The following PPARG variants were observed in gnomAD, a reference collection of about 807,000 sequenced individuals.
PPARG encodes the protein peroxisome proliferator-activated receptor gamma.
A neutral mutation model predicts 39.2 loss-of-function variants in PPARG; 17 were observed. The observed-to-expected ratio is 0.43, with a 90% CI of 0.30 to 0.65. PPARG has a LOEUF of 0.65. PPARG is among the 30% of genes least tolerant of loss of function. The pLI is 0.13. For synonymous variants in PPARG, 223 were observed against 215.7 expected, an observed-to-expected ratio of 1.03 and a Z score of -0.30; for missense variants, 406 against 585.9, an observed-to-expected ratio of 0.69 and a Z score of 3.17.
intron 2 of PPARG, among the ~76,000 whole-genome samples, chr3:12,324,969 T>C (rs1372067002): frequency 6.6e-6 from 1 of 152,080 alleles, no homozygotes; most frequent in African/African-American, 2.4e-5. Flanking sequence ...AAAGTTTGAA[T>C]TGCAAAATTA....
At chr3:12,369,048 C>T (rs939230597) in intron 2 of PPARG, among the ~76,000 whole-genome samples, 1 of 151,918 alleles carries the variant, frequency 6.6e-6, no homozygotes, top group Admixed American at 6.6e-5. Context: ...TAATTTTTAC[C>T]TTTATCTAAA....
intron 2 of PPARG, among the ~76,000 whole-genome samples, chr3:12,326,891 G>T (rs1410372876): frequency 6.6e-6 from 1 of 152,164 alleles, no homozygotes; most frequent in East Asian, 1.9e-4. Context: ...TTCAGTGGAG[G>T]CTGTACAGAT....
At chr3:12,406,216 C>A in intron 6 of PPARG, 135 bp downstream of exon 6, 1 of 903,544 alleles carries the variant, frequency 1.1e-6, no homozygotes, top group Non-Finnish European at 1.8e-6. Flanking sequence ...TAACATATTG[C>A]AGGCTGAGTC....
chr3:12,391,421 C>G (rs2050072056), intron 4 of PPARG, among the ~76,000 whole-genome samples: 1 of 151,932 alleles, frequency 6.6e-6, no homozygotes, highest in Non-Finnish European at 1.5e-5. Context: ...TGGCTTAGCC[C>G]CATTGAGAAG....
chr3:12,372,936 A>T (rs1382247052), intron 2 of PPARG, among the ~76,000 whole-genome samples: 1 of 152,068 alleles, frequency 6.6e-6, no homozygotes, highest in Non-Finnish European at 1.5e-5. Flanking sequence ...TGCTTGAAAC[A>T]CTCTAAAGGT....
intron 4 of PPARG, among the ~76,000 whole-genome samples, chr3:12,388,053 G>A (rs1235768677): frequency 6.6e-6 from 1 of 152,082 alleles, no homozygotes; most frequent in Non-Finnish European, 1.5e-5. Flanking sequence ...AATCAAAAGA[G>A]AAGTCAAGGA....
chr3:12,370,963 A>T (rs2049190866), intron 2 of PPARG, among the ~76,000 whole-genome samples: 1 of 152,194 alleles, frequency 6.6e-6, no homozygotes, highest in African/African-American at 2.4e-5. Context: ...AGTCCTGTTT[A>T]AACAATAGGG....
intron 7 of PPARG, among the ~76,000 whole-genome samples, chr3:12,426,335 A>G (rs1649887167): frequency 6.6e-6 from 1 of 152,224 alleles, no homozygotes; most frequent in South Asian, 2.1e-4. Flanking sequence ...GATGATCTTT[A>G]TCTGTTTGTC....
rs73027239 is a variant in PPARG, at chr3:12,421,349, T to C, written c.1180+4195T>C. ...GCACTCCCTAGTCTTACTGACAGGC[T>C]GGGCGGTGTCAAGAGTAATAAAACT... is the stretch of plus-strand genomic sequence containing the variant. On this transcript the variant is annotated intron_variant, in intron 7 of 7. Coordinates refer to ENST00000651735, the MANE Select transcript of PPARG (RefSeq NM_138711.6). Among the ~76,000 whole-genome samples the C allele has an allele frequency of 4.0e-3, 613 of 152,336 alleles. 2 individuals carry two copies. Among genetic ancestry groups the C allele is most frequent in the Non-Finnish European group, 7.1e-3 (483 of 68,030 alleles).
intron 1 of PPARG, among the ~76,000 whole-genome samples, chr3:12,309,733 A>G (rs759873996): frequency 6.6e-6 from 1 of 152,156 alleles, no homozygotes; most frequent in African/African-American, 2.4e-5. Flanking sequence ...CAACTTCACC[A>G]TTTATTTCAT....
chr3:12,339,495 C>T (rs2048113022), intron 2 of PPARG, among the ~76,000 whole-genome samples: 1 of 152,138 alleles, frequency 6.6e-6, no homozygotes, highest in African/African-American at 2.4e-5. Context: ...GTTTTAAAAG[C>T]TTTTTATGAA....
At chr3:12,345,377 TCATAGGTAATTCCTC>T (rs1413927766) in intron 2 of PPARG, among the ~76,000 whole-genome samples, 1 of 152,224 alleles carries the variant, frequency 6.6e-6, no homozygotes, top group Non-Finnish European at 1.5e-5. Context: ...GATGACATTT[TCATAGGTAATTCCTC>T]CACATTAAGT....
At chr3:12,342,821 C>A (rs1158561767) in intron 2 of PPARG, among the ~76,000 whole-genome samples, 1 of 151,566 alleles carries the variant, frequency 6.6e-6, no homozygotes, top group Non-Finnish European at 1.5e-5. Flanking sequence ...CAAAAAAACC[C>A]CTACCTTTTC....
intron 3 of PPARG, among the ~76,000 whole-genome samples, chr3:12,380,329 C>T (rs1294876670): frequency 1.3e-5 from 2 of 152,194 alleles, no homozygotes; most frequent in African/African-American, 4.8e-5. Context: ...CTTATCTTCA[C>T]TATATTACTG....
chr3:12,387,481 G>A lies in PPARG; in HGVS notation c.391-5133G>A, dbSNP rs537521350. Among the ~76,000 whole-genome samples the A allele has an allele frequency of 1.8e-3, 269 of 152,256 alleles. 1 individual carries two copies. The highest frequency in any genetic ancestry group is 6.1e-3 in the African/African-American group (254 of 41,554). On this transcript the variant is annotated intron_variant, in intron 4 of 7. Transcript: ENST00000651735. ...TTTCTCTGATGGCCAGTGATGATGA[G>A]CATTTTTTCATATGTCTGTTGGCTG...
At chr3:12,299,562 A>G (rs1299313468) in intron 1 of PPARG, among the ~76,000 whole-genome samples, 1 of 152,256 alleles carries the variant, frequency 6.6e-6, no homozygotes, top group South Asian at 2.1e-4. Flanking sequence ...GGAGGTAAGA[A>G]TGAATCCTTT....
intron 5 of PPARG, among the ~76,000 whole-genome samples, chr3:12,396,633 C>T (rs189235790): frequency 1.3e-5 from 2 of 151,844 alleles, no homozygotes; most frequent in African/African-American, 4.8e-5. Context: ...TGGCTTGTGC[C>T]TGTGGTTTCA....
At chr3:12,370,983 C>T (rs540261825) in intron 2 of PPARG, among the ~76,000 whole-genome samples, 160 of 152,198 alleles carry the variant, frequency 1.1e-3, no homozygotes, top group Non-Finnish European at 2.0e-3. Flanking sequence ...GCTTTGCTGG[C>T]GGTTCTTCCT....
intron 1 of PPARG, among the ~76,000 whole-genome samples, 196 bp downstream of exon 1, chr3:12,289,330 A>G (rs915050018): frequency 6.6e-6 from 1 of 152,228 alleles, no homozygotes. Context: ...CAAGTCAAAA[A>G]TAGTCGTCTG....
Sources: gnomAD v4.1 joint callset for allele counts (sites outside exome capture counted in the v4.1 genomes callset) on GRCh38, gnomAD v4.1.1 for gene constraint, MANE v1.5 for transcripts, NCBI Gene and HGNC (gene_info 2026-07-23, HGNC 2026-07-21) for gene names.